DDX4: variants seen among roughly 807,000 people sequenced by gnomAD.
DDX4 encodes probable ATP-dependent RNA helicase DDX4.
In DDX4, 25 loss-of-function variants were observed where a neutral mutation model predicts 100.0. The ratio of observed to expected loss-of-function variants is 0.25; its 90% CI spans 0.18 to 0.35. DDX4 has a LOEUF of 0.35. Among genes scored for constraint, DDX4 ranks in the 10% least tolerant of loss-of-function variants. The pLI, the probability that DDX4 is intolerant of heterozygous loss-of-function variation, is 1.00. For missense variants in DDX4, 635 were observed against 882.4 expected, an observed-to-expected ratio of 0.72 and a Z score of 3.55; for synonymous variants, 259 against 275.7, an observed-to-expected ratio of 0.94 and a Z score of 0.60.
intron 2 of DDX4, among the ~76,000 whole-genome samples, chr5:55,745,649 C>T (rs1219099405): frequency 6.6e-6 from 1 of 152,090 alleles, no homozygotes; most frequent in African/African-American, 2.4e-5. Flanking sequence ...TCTTGAACTC[C>T]TGGGCTCAAG....
At chr5:55,775,225 A>G (rs1304892305) in intron 7 of DDX4, among the ~76,000 whole-genome samples, 1 of 152,170 alleles carries the variant, frequency 6.6e-6, no homozygotes, top group East Asian at 1.9e-4. Context: ...TGAATAATAT[A>G]ATGTATTTAC....
intron 2 of DDX4, chr5:55,742,061 A>T: frequency 2.3e-6 from 1 of 431,450 alleles, no homozygotes; most frequent in Admixed American, 2.4e-5. Flanking sequence ...AGTATAACAG[A>T]TAGAATTTTG....
intron 16 of DDX4, among the ~76,000 whole-genome samples, chr5:55,791,486 A>G (rs1742553911): frequency 6.6e-6 from 1 of 152,224 alleles, no homozygotes; most frequent in Non-Finnish European, 1.5e-5. Flanking sequence ...TTCTGTTTAT[A>G]GTAAAAGATG....
intron 21 of DDX4, among the ~76,000 whole-genome samples, chr5:55,815,997 G>A (rs1056872435): frequency 6.8e-6 from 1 of 147,054 alleles, no homozygotes; most frequent in Non-Finnish European, 1.5e-5. Context: ...TGTTGGCCAG[G>A]CTGGTCTCAA....
chr5:55,766,788 T>C (rs1740950425), intron 6 of DDX4: 5 of 832,902 alleles, frequency 6.0e-6, no homozygotes, highest in African/African-American at 1.8e-5. Context: ...ATTAATGATA[T>C]GTACAAAGAT....
Position 55,816,574 on chromosome 5 carries a change from G to C in DDX4, c.*34G>C, listed in dbSNP as rs759600118. On this transcript the variant is annotated 3_prime_UTR_variant, in exon 22 of 22. Transcript: ENST00000505374. ...CATCCTTCAAGTCTGTGGTTTTGAT[G>C]CAGAGAAGAAAATAGTTTTGATTTT... 82 of 1,601,710 alleles carry C rather than the reference G, an allele frequency of 5.1e-5. No homozygotes were observed. Among genetic ancestry groups the C allele is most frequent in the African/African-American group, 1.2e-4 (9 of 74,308 alleles).
chr5:55,782,199 A>G, intron 10 of DDX4: 1 of 542,688 alleles, frequency 1.8e-6, no homozygotes, highest in Non-Finnish European at 3.3e-6. Flanking sequence ...CAGCAATTCC[A>G]TTATAGGAAT....
chr5:55,770,424 A>G (rs182647027), intron 7 of DDX4, among the ~76,000 whole-genome samples: 2 of 152,296 alleles, frequency 1.3e-5, no homozygotes, highest in East Asian at 1.9e-4. Context: ...TGAATTTGAG[A>G]TGAGATTGTA....
intron 9 of DDX4, 24 bp from the exon 10 acceptor site, chr5:55,781,910 A>G (rs1741935332): frequency 6.2e-7 from 1 of 1,613,542 alleles, no homozygotes; most frequent in Non-Finnish European, 8.5e-7. Context: ...TTATCTAAAT[A>G]TGTTGTGAAA....
intron 3 of DDX4, among the ~76,000 whole-genome samples, chr5:55,756,002 G>A (rs1327774753): frequency 6.6e-6 from 1 of 152,074 alleles, no homozygotes; most frequent in Non-Finnish European, 1.5e-5. Flanking sequence ...GTCATACATT[G>A]TGTTCTTTTT....
In DDX4 at chr5:55,775,870, C is replaced by T. The variant is rs578180714; in HGVS notation, c.395-4094C>T. Among the ~76,000 whole-genome samples, 138 of 152,254 alleles carry T rather than the reference C, an allele frequency of 9.1e-4. No individual in the cohort carries two copies. The Middle Eastern group carries it at 0.01, about 11-fold the overall frequency. On this transcript the variant is annotated intron_variant, in intron 7 of 21. Transcript: ENST00000505374. ...GCGCAGTGGCTCACACCTGTAATCC[C>T]AGCACTTTGGGAGGCCGAAGTGGGT...
At chr5:55,776,696 A>G (rs1180903212) in intron 7 of DDX4, among the ~76,000 whole-genome samples, 1 of 152,202 alleles carries the variant, frequency 6.6e-6, no homozygotes, top group Non-Finnish European at 1.5e-5. Flanking sequence ...GGGAGAAATA[A>G]TGCCATTCAG....
chr5:55,759,633 A>T (rs1760178707), intron 3 of DDX4, among the ~76,000 whole-genome samples: 1 of 152,220 alleles, frequency 6.6e-6, no homozygotes, highest in Admixed American at 6.5e-5. Context: ...ATGGATGACC[A>T]TAATTTCTTT....
intron 18 of DDX4, among the ~76,000 whole-genome samples, chr5:55,802,626 C>T (rs1340447372): frequency 3.3e-5 from 5 of 152,214 alleles, no homozygotes; most frequent in Non-Finnish European, 7.3e-5. Context: ...CTACCCAAGA[C>T]TCTATTCTTT....
intron 2 of DDX4, among the ~76,000 whole-genome samples, chr5:55,741,510 A>G (rs917522959): frequency 7.2e-5 from 11 of 152,158 alleles, no homozygotes; most frequent in Non-Finnish European, 1.5e-4. Context: ...CAGGATGGCC[A>G]GGTGCGGTGG....
chr5:55,810,878 A>G (rs1744088215), intron 18 of DDX4, among the ~76,000 whole-genome samples: 1 of 152,182 alleles, frequency 6.6e-6, no homozygotes, highest in Non-Finnish European at 1.5e-5. Context: ...CAGAAAAACT[A>G]TTTGGTTATC....
chr5:55,745,146 G>C (rs1440567876), intron 2 of DDX4, among the ~76,000 whole-genome samples: 1 of 152,102 alleles, frequency 6.6e-6, no homozygotes, highest in Non-Finnish European at 1.5e-5. Context: ...TCCCCAAAGT[G>C]CTTGGATTAC....
In DDX4 at chr5:55,749,160, C is replaced by T. The variant is rs557161606; in HGVS notation, c.127+2939C>T. ...TAGGAGGCAGGTGTAGTGGCTTATG[C>T]CTGTAATCCCTTTGCTTTGGGAGGC... On this transcript the variant is annotated intron_variant, in intron 3 of 21. Coordinates refer to ENST00000505374, the MANE Select transcript of DDX4 (RefSeq NM_024415.3). 1.1e-4 allele frequency among the ~76,000 whole-genome samples: 17 copies of T among 152,266 alleles called. 1 individual carries two copies. In the South Asian group the frequency reaches 3.5e-3, roughly 32 times the overall value.
chr5:55,773,982 A>G (rs114046415), intron 7 of DDX4, among the ~76,000 whole-genome samples: 3,686 of 152,020 alleles, frequency 0.024, 59 homozygotes, highest in South Asian at 0.051. Context: ...AGCTTTTCAT[A>G]TGCTTATTGA....
Sources: allele counts gnomAD v4.1 joint callset (sites outside exome capture counted in the v4.1 genomes callset), GRCh38; gene constraint gnomAD v4.1.1; transcripts MANE v1.5; gene names NCBI Gene and HGNC (gene_info 2026-07-23, HGNC 2026-07-21).